CTNND2: variants seen among roughly 807,000 people sequenced by gnomAD.
The protein encoded by CTNND2 is catenin delta-2.
In CTNND2, 22 loss-of-function variants were observed where a neutral mutation model predicts 144.4. That is an observed-to-expected ratio of 0.15 (90% CI 0.11 to 0.22). The LOEUF (loss-of-function observed/expected upper bound fraction) is 0.22, where lower values mean the gene tolerates loss of function less well. Ranked by LOEUF, CTNND2 falls within the 10% of genes least tolerant of loss-of-function variation. The pLI is 1.00. For synonymous variants in CTNND2, 751 were observed against 695.6 expected, an observed-to-expected ratio of 1.08 and a Z score of -1.25; for missense variants, 1,353 against 1,618.8, an observed-to-expected ratio of 0.84 and a Z score of 2.82.
chr5:11,471,225 C>T (rs982035538), intron 3 of CTNND2, among the ~76,000 whole-genome samples: 4 of 151,730 alleles, frequency 2.6e-5, no homozygotes, highest in Non-Finnish European at 5.9e-5. Context: ...GATCCACCTG[C>T]CTTGGCCTCC....
At chr5:11,124,806 T>A (rs975486783) in intron 12 of CTNND2, among the ~76,000 whole-genome samples, 1 of 152,330 alleles carries the variant, frequency 6.6e-6, no homozygotes. Context: ...TATATGCACG[T>A]TATGCATGGT....
chr5:11,598,963 C>T (rs901064736), intron 2 of CTNND2, among the ~76,000 whole-genome samples: 19 of 152,146 alleles, frequency 1.2e-4, no homozygotes, highest in East Asian at 1.9e-4. Flanking sequence ...CGTCAGAAGG[C>T]GAAGGGGAAG....
chr5:11,452,909 A>G (rs925469222), intron 3 of CTNND2, among the ~76,000 whole-genome samples: 2 of 152,210 alleles, frequency 1.3e-5, no homozygotes, highest in African/African-American at 4.8e-5. Context: ...TAGGGTGAAG[A>G]AAAACTTTCT....
At chr5:11,645,236 G>A (rs1159106920) in intron 2 of CTNND2, among the ~76,000 whole-genome samples, 1 of 151,986 alleles carries the variant, frequency 6.6e-6, no homozygotes, top group Non-Finnish European at 1.5e-5. Flanking sequence ...CAAAATATTG[G>A]GATTACAGGC....
At chr5:11,776,208 C>A (rs968117971) in intron 1 of CTNND2, among the ~76,000 whole-genome samples, 1 of 152,088 alleles carries the variant, frequency 6.6e-6, no homozygotes, top group Non-Finnish European at 1.5e-5. Context: ...ATGGTGGGGG[C>A]AGAATCCTAG....
At chr5:11,654,208 T>C (rs995578457) in intron 2 of CTNND2, among the ~76,000 whole-genome samples, 1 of 152,034 alleles carries the variant, frequency 6.6e-6, no homozygotes, top group Non-Finnish European at 1.5e-5. Flanking sequence ...TTGCTCAAGA[T>C]TGCTTTGCTC....
chr5:11,769,537 T>C (rs1214240982), intron 1 of CTNND2, among the ~76,000 whole-genome samples: 1 of 152,166 alleles, frequency 6.6e-6, no homozygotes, highest in Non-Finnish European at 1.5e-5. Context: ...TTCTAGAGCT[T>C]AAAAATGGCA....
rs565785123 is a variant in CTNND2, at chr5:11,786,109, G to T, written c.38-53837C>A. Among the ~76,000 whole-genome samples, 58 of 152,284 alleles carry T rather than the reference G, an allele frequency of 3.8e-4. 1 individual carries two copies. Among genetic ancestry groups the T allele is most frequent in the African/African-American group, 1.3e-3 (56 of 41,550 alleles). On this transcript the variant is annotated intron_variant, in intron 1 of 21. Transcript: ENST00000304623. ...TGCAAGTGGGTACATGTAACAGCGC[G>T]GCAGCAGGGCTGAGCTCTGGGTACC...
intron 16 of CTNND2, among the ~76,000 whole-genome samples, chr5:11,066,177 C>A (rs1238003439): frequency 6.6e-6 from 1 of 151,986 alleles, no homozygotes; most frequent in Non-Finnish European, 1.5e-5. Flanking sequence ...GTAGCTGGGA[C>A]TACAGGTGCA....
At chr5:11,497,522 G>T (rs931375727) in intron 3 of CTNND2, among the ~76,000 whole-genome samples, 2 of 85,626 alleles carry the variant, frequency 2.3e-5, no homozygotes, top group Non-Finnish European at 4.7e-5. Flanking sequence ...GGGGGGGTGG[G>T]GGGGGGCAAT....
intron 20 of CTNND2, chr5:10,986,610 A>AG (rs36031475): frequency 0.36 from 161,563 of 454,924 alleles, 29,897 homozygotes; most frequent in African/African-American, 0.49. Context: ...GCAACATGTA[A>AG]GGGGAAACAG....
chr5:11,786,819 C>T (rs1341524119), intron 1 of CTNND2, among the ~76,000 whole-genome samples: 1 of 152,132 alleles, frequency 6.6e-6, no homozygotes, highest in Non-Finnish European at 1.5e-5. Context: ...TTGTAGTTCC[C>T]AGAGAAATTT....
chr5:11,476,684 T>C (rs900829751), intron 3 of CTNND2, among the ~76,000 whole-genome samples: 1 of 152,126 alleles, frequency 6.6e-6, no homozygotes, highest in Non-Finnish European at 1.5e-5. Flanking sequence ...GCAAGAAACA[T>C]ATACTAAATG....
chr5:11,221,668 G>A lies in CTNND2; in HGVS notation c.1761+15023C>T, dbSNP rs115912205. Among the ~76,000 whole-genome samples the A allele has an allele frequency of 2.8e-3, 434 of 152,284 alleles. 1 individual carries two copies. Among genetic ancestry groups the A allele is most frequent in the African/African-American group, 0.01 (416 of 41,570 alleles). ...GTTTCTCTCAGTATTTTCACAAAAT[G>A]TTCTCTCCAGTTCTGTGAGCCAGAA... On this transcript the variant is annotated intron_variant, in intron 10 of 21. Coordinates refer to ENST00000304623, the MANE Select transcript of CTNND2 (RefSeq NM_001332.4).
intron 1 of CTNND2, among the ~76,000 whole-genome samples, chr5:11,840,566 T>C (rs1794411805): frequency 6.6e-6 from 1 of 152,210 alleles, no homozygotes; most frequent in Non-Finnish European, 1.5e-5. Flanking sequence ...GACTCAACTT[T>C]TAAAACTTGC....
chr5:11,259,405 G>A (rs1191801459), intron 9 of CTNND2, among the ~76,000 whole-genome samples: 1 of 152,174 alleles, frequency 6.6e-6, no homozygotes, highest in East Asian at 1.9e-4. Flanking sequence ...TGAGCTCCCA[G>A]TTGACAGCAG....
At chr5:11,406,882 T>C (rs1407669216) in intron 5 of CTNND2, among the ~76,000 whole-genome samples, 1 of 152,160 alleles carries the variant, frequency 6.6e-6, no homozygotes, top group Non-Finnish European at 1.5e-5. Context: ...TTCTTCCTAC[T>C]GAATAATGGA....
chr5:11,764,060 G>A (rs1789437078), intron 1 of CTNND2, among the ~76,000 whole-genome samples: 1 of 152,146 alleles, frequency 6.6e-6, no homozygotes, highest in African/African-American at 2.4e-5. Context: ...ATCTGGTTGA[G>A]CCCAGTGTAA....
At chr5:11,372,116 T>C (rs1757523457) in intron 7 of CTNND2, among the ~76,000 whole-genome samples, 1 of 152,174 alleles carries the variant, frequency 6.6e-6, no homozygotes, top group African/African-American at 2.4e-5. Flanking sequence ...TCCGATACAA[T>C]TTATTGTCAT....
Sources: gnomAD v4.1 joint callset for allele counts (sites outside exome capture counted in the v4.1 genomes callset) on GRCh38, gnomAD v4.1.1 for gene constraint, MANE v1.5 for transcripts, NCBI Gene and HGNC (gene_info 2026-07-23, HGNC 2026-07-21) for gene names.